Variants in TACC1 observed in about 807,000 individuals in gnomAD.
TACC1 encodes transforming acidic coiled-coil containing protein 1.
A neutral mutation model predicts 84.4 loss-of-function variants in TACC1; 48 were observed. The observed-to-expected ratio is 0.57, with a 90% CI of 0.45 to 0.72. The LOEUF is 0.72. Among genes scored for constraint, TACC1 ranks in the 30% least tolerant of loss-of-function variants. TACC1 has a pLI of 0.00. For missense variants in TACC1, 920 were observed against 973.0 expected (o/e 0.95, Z 0.72); for synonymous variants, 372 against 376.3 (o/e 0.99, Z 0.13).
chr8:38,807,017 A>G (rs189929530), intron 2 of TACC1, among the ~76,000 whole-genome samples: 71 of 152,280 alleles, frequency 4.7e-4, no homozygotes, highest in Non-Finnish European at 5.7e-4. Context: ...GGAAAATGCT[A>G]AAGTTTACTG....
intron 3 of TACC1, among the ~76,000 whole-genome samples, chr8:38,764,872 G>A (rs549172407): frequency 6.6e-6 from 1 of 152,328 alleles, no homozygotes; most frequent in East Asian, 1.9e-4. Context: ...GCCAAGGCGG[G>A]TGGATCACCT....
intron 3 of TACC1, among the ~76,000 whole-genome samples, chr8:38,822,157 ATTGCTTGAGCCCAGGAGGTTGAGG>A (rs1374016858): frequency 6.8e-6 from 1 of 146,376 alleles, no homozygotes; most frequent in African/African-American, 2.5e-5. Context: ...AGGCAGGAGG[ATTGCTTGAGCCCAGGAGGTTGAGG>A]TTGCTGTGAG....
intron 3 of TACC1, among the ~76,000 whole-genome samples, chr8:38,746,956 C>T (rs977707699): frequency 1.1e-4 from 16 of 152,212 alleles, no homozygotes; most frequent in African/African-American, 3.6e-4. Flanking sequence ...GACTCATACC[C>T]AACCATTTCA....
rs540534704 is a variant in TACC1 at position 38,795,389 on chromosome 8, A to G, written c.277+6570A>G. 2.0e-5 allele frequency among the ~76,000 whole-genome samples: 3 copies of G among 152,352 alleles called. No homozygotes were observed. In the East Asian group the frequency reaches 5.8e-4, roughly 29 times the overall value. Reference sequence around the variant, plus strand: ...GCACTCCCCCATTTTGGGCTTACCCAAGCATCGAATAAAGCAGTAGAACTT... The same window carrying G: ...GCACTCCCCCATTTTGGGCTTACCCGAGCATCGAATAAAGCAGTAGAACTT... On this transcript the variant is annotated intron_variant, in intron 2 of 12. Transcript: ENST00000317827.
intron 1 of TACC1, chr8:38,788,088 GC>G (rs1040337622): frequency 8.6e-5 from 22 of 256,654 alleles, no homozygotes; most frequent in Admixed American, 4.9e-4. Context: ...GCAACTTAGG[GC>G]CCCCCCGTGG....
chr8:38,757,346 A>C (rs1365776661), intron 3 of TACC1: 3 of 1,264,830 alleles, frequency 2.4e-6, no homozygotes, highest in East Asian at 6.9e-5. Flanking sequence ...GGAGGCTCCC[A>C]CTCTCAGACC....
intron 1 of TACC1, among the ~76,000 whole-genome samples, chr8:38,734,618 T>C (rs970932140): frequency 2.6e-5 from 4 of 152,244 alleles, no homozygotes; most frequent in Admixed American, 6.5e-5. Context: ...ATGTTTATTA[T>C]GCAACAAAGG....
chr8:38,783,066 A>ATATC (rs58057050), upstream of TACC1, among the ~76,000 whole-genome samples: 2,732 of 135,368 alleles, frequency 0.02, 57 homozygotes, highest in Middle Eastern at 0.027. Flanking sequence ...TGTAGTGTAA[A>ATATC]TATCTATCTA....
chr8:38,798,002 T>C (rs1251828064), intron 2 of TACC1, among the ~76,000 whole-genome samples: 2 of 152,242 alleles, frequency 1.3e-5, no homozygotes, highest in Non-Finnish European at 2.9e-5. Context: ...CATTGCTGGA[T>C]TGGCTTCTCT....
chr8:38,728,620 A>C (rs1804290635), upstream of TACC1: 1 of 152,290 alleles, frequency 6.6e-6, no homozygotes, highest in Admixed American at 6.5e-5. Flanking sequence ...GTGGCGCAGA[A>C]GGGAGAGGGG....
At chr8:38,826,726 A>AAC (rs754481139) in intron 4 of TACC1, among the ~76,000 whole-genome samples, 1 of 152,246 alleles carries the variant, frequency 6.6e-6, no homozygotes, top group African/African-American at 2.4e-5. Context: ...TCACTAAGGT[A>AAC]ACTAGATAGC....
In TACC1 at chr8:38,757,295, G is replaced by C. The variant is rs1001817109; in HGVS notation, c.26+11802G>C. ...TCTGGGCACAGCCGCCCGCCGCCCA[G>C]CACAGGAGGGTGCAGCCCCGGCCCC... On this transcript the variant is annotated intron_variant, in intron 3 of 14. Transcript: ENST00000518415. 3.7e-5 allele frequency: 46 copies of C among 1,252,004 alleles called. 1 individual carries two copies. The highest frequency in any genetic ancestry group is 6.4e-5 in the South Asian group (5 of 78,334). The allele number at this position is 1,252,004 out of a possible 1,614,324, so 77.6% of individuals were successfully genotyped here.
chr8:38,804,829 C>T (rs1260348735), intron 2 of TACC1, among the ~76,000 whole-genome samples: 1 of 152,176 alleles, frequency 6.6e-6, no homozygotes, highest in Non-Finnish European at 1.5e-5. Flanking sequence ...TCTCAAACTC[C>T]TGGGCCCAAG....
chr8:38,842,211 G>A (rs1189539870), intron 9 of TACC1, 76 bp from the exon 10 acceptor site: 7 of 1,519,702 alleles, frequency 4.6e-6, no homozygotes, highest in East Asian at 2.3e-5. Flanking sequence ...TCCCTACCAC[G>A]AGAACACTGC....
chr8:38,730,728 T>G (rs1804762595), intron 1 of TACC1, among the ~76,000 whole-genome samples: 1 of 152,202 alleles, frequency 6.6e-6, no homozygotes, highest in Admixed American at 6.5e-5. Context: ...GACATTGTTG[T>G]GAGTGTGGCT....
rs535324519 is a variant in TACC1, at chr8:38,739,062, C to T, written c.-674-3289C>T. 7.2e-4 allele frequency among the ~76,000 whole-genome samples: 110 copies of T among 152,120 alleles called. 4 individuals are homozygous for T. The South Asian group carries it at 0.022, about 30-fold the overall frequency. ...CCTGCCAACATGCCCGGCTAATTTT[C>T]GTATTTTTAGTAGAGATGGGGTTTC... On this transcript the variant is annotated intron_variant, in intron 1 of 14. Coordinates refer to the TACC1 transcript ENST00000518415.
chr8:38,820,008 A>C lies in TACC1; in HGVS notation c.764A>C (p.Glu255Ala). Reference sequence around the variant, plus strand: ...TTCTCAGACACCAACGCTGCTGTGGAGGGCACACCTCTCCCCAAGGCATCC... The same window carrying C: ...TTCTCAGACACCAACGCTGCTGTGGCGGGCACACCTCTCCCCAAGGCATCC... ...GEFSDTNAAV[E>A]GTPLPKASYH... The change falls in exon 3 of 13, where the codon GAG becomes GCG. Residue 255 changes from glutamate (E) to alanine (A), a missense_variant. Physicochemically the swap from Glu to Ala is moderately radical, Grantham distance 107 (BLOSUM62 -1). Around this residue, in one of 2 missense-constraint regions of TACC1, gnomAD observed 762 missense variants for 747.3 expected, o/e 1.02. Transcript: ENST00000317827. 6.2e-7 allele frequency: 1 copy of C among 1,614,052 alleles called. No homozygotes were observed. Among genetic ancestry groups the C allele is most frequent in the Non-Finnish European group, 8.5e-7 (1 of 1,180,048 alleles).
rs183641037 is a variant in TACC1, at chr8:38,781,391, T to A, written c.27-7313T>A. 4.1e-3 allele frequency among the ~76,000 whole-genome samples: 625 copies of A among 152,032 alleles called. 4 individuals carry two copies. The highest frequency in any genetic ancestry group is 0.011 in the Admixed American group (167 of 15,264). On this transcript the variant is annotated intron_variant, in intron 3 of 14. Coordinates refer to the TACC1 transcript ENST00000518415. ...AGGAGAAGAAATATTCTTCTTTTTT[T>A]TTTTTTTTGAGGCGGAGACTTGTTC...
chr8:38,763,586 C>T (rs1811640803), intron 3 of TACC1, among the ~76,000 whole-genome samples: 1 of 152,138 alleles, frequency 6.6e-6, no homozygotes, highest in Admixed American at 6.5e-5. Context: ...AAATAAACTA[C>T]CCATAATCTC....
Sources: gnomAD v4.1 joint callset for allele counts (sites outside exome capture counted in the v4.1 genomes callset) on GRCh38, gnomAD v4.1.1 for gene constraint, gnomAD v4.1.1 regional missense constraint, MANE v1.5 for transcripts, NCBI Gene and HGNC (gene_info 2026-07-23, HGNC 2026-07-21) for gene names.